Variants in NR2C1 observed in about 807,000 individuals in gnomAD.
NR2C1 encodes the protein nuclear receptor subfamily 2 group C member 1, also known as TR2 nuclear hormone receptor.
In NR2C1, 33 loss-of-function variants were observed where a neutral mutation model predicts 74.8. The observed-to-expected ratio is 0.44, with a 90% CI of 0.33 to 0.59. NR2C1 has a LOEUF of 0.59. Among genes scored for constraint, NR2C1 ranks in the 20% least tolerant of loss-of-function variants. NR2C1 has a pLI of 0.02. For synonymous variants in NR2C1, 225 were observed against 240.6 expected, an observed-to-expected ratio of 0.94 and a Z score of 0.60; for missense variants, 568 against 715.6, an observed-to-expected ratio of 0.79 and a Z score of 2.35.
chr12:95,038,815 T>C (rs1286363525), intron 10 of NR2C1, among the ~76,000 whole-genome samples: 1 of 152,204 alleles, frequency 6.6e-6, no homozygotes, highest in Non-Finnish European at 1.5e-5. Flanking sequence ...TGTACTTGGT[T>C]TTCTGTATCC....
At chr12:95,070,441 A>G (rs1278058278) in intron 1 of NR2C1, among the ~76,000 whole-genome samples, 1 of 152,158 alleles carries the variant, frequency 6.6e-6, no homozygotes, top group Non-Finnish European at 1.5e-5. Flanking sequence ...CAACACACAC[A>G]TTCTTTATAC....
intron 9 of NR2C1, 79 bp downstream of exon 9, chr12:95,048,979 AAAAGCACAAC>A: frequency 8.1e-7 from 1 of 1,234,418 alleles, no homozygotes; most frequent in African/African-American, 1.5e-5. Context: ...TTCTGACTTT[AAAAGCACAAC>A]AAACATACTT....
Position 95,050,378 on chromosome 12 carries a change from G to A in NR2C1, c.966-1145C>T, listed in dbSNP as rs142958480. Among the ~76,000 whole-genome samples the A allele has an allele frequency of 9.5e-4, 144 of 152,092 alleles. 1 individual carries two copies. Among genetic ancestry groups the A allele is most frequent in the African/African-American group, 3.1e-3 (127 of 41,494 alleles). On this transcript the variant is annotated intron_variant, in intron 8 of 13. Transcript: ENST00000333003. ...GGCTAGAGTACAGTGGCGTGACCTC[G>A]GCTCACTGCAACCTCCATCTCTGGG...
At chr12:95,030,467 A>G (rs1869937651) in intron 11 of NR2C1, 6 of 1,487,860 alleles carry the variant, frequency 4.0e-6, no homozygotes, top group East Asian at 2.4e-5. Flanking sequence ...AAACCCATCC[A>G]TTAGTAATTA....
At chr12:95,039,462 T>C (rs1010259083) in intron 10 of NR2C1, among the ~76,000 whole-genome samples, 23 of 152,168 alleles carry the variant, frequency 1.5e-4, no homozygotes, top group African/African-American at 5.3e-4. Context: ...CTTTCTAACT[T>C]TGAATAAAAA....
At chr12:95,040,376 T>C in intron 10 of NR2C1, 100 bp downstream of exon 10, 1 of 1,178,436 alleles carries the variant, frequency 8.5e-7, no homozygotes, top group Non-Finnish European at 1.2e-6. Flanking sequence ...TGTTATACTG[T>C]TTTTTCCTTT....
chr12:95,072,280 A>G (rs537645968), intron 1 of NR2C1, among the ~76,000 whole-genome samples: 2 of 132,276 alleles, frequency 1.5e-5, no homozygotes, highest in Admixed American at 1.4e-4. Flanking sequence ...TACAAAAAAC[A>G]AAAACAAAAA....
intron 1 of NR2C1, among the ~76,000 whole-genome samples, chr12:95,070,334 G>A (rs890368556): frequency 2.0e-5 from 3 of 152,028 alleles, no homozygotes; most frequent in Admixed American, 6.6e-5. Context: ...GTTTCACCAT[G>A]TTGGCCAGGC....
intron 9 of NR2C1, among the ~76,000 whole-genome samples, chr12:95,041,698 AG>A (rs1871548360): frequency 6.6e-6 from 1 of 152,188 alleles, no homozygotes; most frequent in South Asian, 2.1e-4. Flanking sequence ...CAGAAAACCA[AG>A]TACACACTAC....
Position 95,034,721 on chromosome 12 carries a change from A to G in NR2C1, c.1254-3233T>C, listed in dbSNP as rs1287138495. 5.3e-5 allele frequency among the ~76,000 whole-genome samples: 8 copies of G among 152,210 alleles called. 1 individual carries two copies. Among genetic ancestry groups the G allele is most frequent in the Admixed American group, 5.2e-4 (8 of 15,276 alleles). On this transcript the variant is annotated intron_variant, in intron 10 of 13. Coordinates refer to ENST00000333003, the MANE Select transcript of NR2C1 (RefSeq NM_003297.4). ...TCTATGTTTAGATACACAAACATTT[A>G]CTATTGTGTTACAACTGCCTATGGT...
chr12:95,060,739 A>C (rs982898668), intron 3 of NR2C1, among the ~76,000 whole-genome samples: 1 of 152,222 alleles, frequency 6.6e-6, no homozygotes, highest in East Asian at 1.9e-4. Context: ...ATTTTCTTTC[A>C]ATCTTGAAAT....
chr12:95,024,888 C>A (rs1312649010), intron 13 of NR2C1, among the ~76,000 whole-genome samples: 1 of 152,222 alleles, frequency 6.6e-6, no homozygotes, highest in Non-Finnish European at 1.5e-5. Context: ...GGGTCACAGT[C>A]AGGTGCTATC....
intron 2 of NR2C1, chr12:95,066,979 A>C (rs1329874914): frequency 3.8e-6 from 1 of 266,078 alleles, no homozygotes; most frequent in Non-Finnish European, 7.0e-6. Context: ...ATTGATGCTG[A>C]ACTCCTACTG....
intron 9 of NR2C1, among the ~76,000 whole-genome samples, chr12:95,040,807 T>C (rs529323997): frequency 6.6e-6 from 1 of 152,274 alleles, no homozygotes; most frequent in South Asian, 2.1e-4. Flanking sequence ...AGCCAATATT[T>C]AGACAAGCAG....
chr12:95,042,726 T>C (rs545205182), intron 9 of NR2C1, among the ~76,000 whole-genome samples: 25 of 152,050 alleles, frequency 1.6e-4, no homozygotes, highest in Non-Finnish European at 3.5e-4. Flanking sequence ...ATTCTGTAAG[T>C]GAGAAGAAAA....
chr12:95,033,599 C>T (rs1178115492), intron 10 of NR2C1, among the ~76,000 whole-genome samples: 3 of 151,964 alleles, frequency 2.0e-5, no homozygotes, highest in Admixed American at 6.6e-5. Context: ...AAGGTCCTTT[C>T]GTAGCCTTGT....
intron 7 of NR2C1, among the ~76,000 whole-genome samples, chr12:95,053,260 C>A (rs1233054994): frequency 6.6e-6 from 1 of 152,148 alleles, no homozygotes; most frequent in Admixed American, 6.6e-5. Context: ...AGACATGAGC[C>A]ACCGTGCCCG....
At chr12:95,053,222 CCA>C (rs1240499056) in intron 7 of NR2C1, among the ~76,000 whole-genome samples, 18 of 152,134 alleles carry the variant, frequency 1.2e-4, no homozygotes, top group African/African-American at 3.6e-4. Context: ...GATCTACCTG[CCA>C]CAGTTTCCCA....
At chr12:95,072,783 T>C (rs1220517494) in intron 1 of NR2C1, 3 of 152,248 alleles carry the variant, frequency 2.0e-5, no homozygotes, top group African/African-American at 7.2e-5. Flanking sequence ...GGCCGTTCCA[T>C]TTCTTCTGAA....
Sources: allele counts gnomAD v4.1 joint callset (sites outside exome capture counted in the v4.1 genomes callset), GRCh38; gene constraint gnomAD v4.1.1; transcripts MANE v1.5; gene names NCBI Gene and HGNC (gene_info 2026-07-23, HGNC 2026-07-21).